ABCD3: variants seen among roughly 807,000 people sequenced by gnomAD.
ABCD3 encodes ATP-binding cassette sub-family D member 3.
A neutral mutation model predicts 105.5 loss-of-function variants in ABCD3; 41 were observed. The observed-to-expected ratio is 0.39, with a 90% CI of 0.30 to 0.50. ABCD3 has a LOEUF of 0.50. ABCD3 is among the 20% of genes least tolerant of loss of function. The pLI is 0.84. For missense variants in ABCD3, 622 were observed against 806.3 expected, an observed-to-expected ratio of 0.77 and a Z score of 2.77; for synonymous variants, 258 against 269.0, an observed-to-expected ratio of 0.96 and a Z score of 0.40.
At chr1:94,462,429 C>T (rs1647924940) in intron 2 of ABCD3, among the ~76,000 whole-genome samples, 1 of 152,108 alleles carries the variant, frequency 6.6e-6, no homozygotes, top group African/African-American at 2.4e-5. Flanking sequence ...GAATTCAGCC[C>T]TTCTGAGCCA....
In ABCD3 at chr1:94,418,441, C is replaced by CCGCCGCCGCCGT. The variant is rs1659109212; in HGVS notation, c.-35_-34insCGCCGCCGTCGC. The CCGCCGCCGCCGT allele has an allele frequency of 6.4e-7, 1 of 1,552,608 alleles. No homozygotes were observed. On this transcript the variant is annotated 5_prime_UTR_variant, in exon 1 of 23. Coordinates refer to ENST00000370214, the MANE Select transcript of ABCD3 (RefSeq NM_002858.4). ...AAGGTAGCCGCCGCCGCCGCCGCCG[C>CCGCCGCCGCCGT]CGCGTCCCCTCGCCGGCTCGCTGGT...
At chr1:94,496,850 C>G (rs528806647) in intron 16 of ABCD3, among the ~76,000 whole-genome samples, 14 of 151,072 alleles carry the variant, frequency 9.3e-5, no homozygotes, top group Non-Finnish European at 1.8e-4. Flanking sequence ...TCACTGCAAC[C>G]TCTGCCTCTC....
At position 94,464,879 on chromosome 1, in the gene ABCD3, T is replaced by C. The variant is rs1426061147; in HGVS notation, c.246+6T>C. ...CTAGAACATTTTGTAAAGAGGTAAG[T>C]CTTATGAAATTATAATCTTAAGTAT... On this transcript the variant is annotated splice_donor_region_variant and intron_variant, in intron 3 of 22. Transcript: ENST00000370214. The C allele has an allele frequency of 6.2e-7, 1 of 1,603,630 alleles. No individual in the cohort carries two copies. Among genetic ancestry groups the C allele is most frequent in the African/African-American group, 1.3e-5 (1 of 74,732 alleles).
chr1:94,478,240 T>C lies in ABCD3; in HGVS notation c.628-19T>C. On this transcript the variant is annotated intron_variant, in intron 7 of 22. Transcript: ENST00000370214. ...GTGCTTTAGTTTTAATTCTGTGTAT[T>C]CTAATATTTATTTTACAGCCATTTT... 7.0e-7 allele frequency: 1 copy of C among 1,438,800 alleles called. No individual in the cohort carries two copies. The highest frequency in any genetic ancestry group is 9.8e-7 in the Non-Finnish European group (1 of 1,023,478). The allele number at this position is 1,438,800 out of a possible 1,614,324, so 89.1% of individuals were successfully genotyped here. A position where few individuals can be genotyped will look rare whatever the true frequency, so the allele number is the denominator to read the frequency against.
At chr1:94,515,806 T>C (rs1387390255) in intron 22 of ABCD3, among the ~76,000 whole-genome samples, 2 of 151,806 alleles carry the variant, frequency 1.3e-5, no homozygotes, top group Non-Finnish European at 2.9e-5. Context: ...TAATTCTCTT[T>C]ATTTTCTTTC....
intron 21 of ABCD3, among the ~76,000 whole-genome samples, chr1:94,508,759 G>C (rs1419234349): frequency 6.6e-6 from 1 of 152,118 alleles, no homozygotes; most frequent in Non-Finnish European, 1.5e-5. Context: ...AAGCAATTGT[G>C]AATGGGAGTT....
the ABCD3 span, among the ~76,000 whole-genome samples, chr1:94,387,639 G>A: frequency 3.9e-5 from 6 of 152,166 alleles, no homozygotes; most frequent in Non-Finnish European, 5.9e-5. Flanking sequence ...AAATTCAAAT[G>A]TAGGATCAGG....
intron 1 of ABCD3, among the ~76,000 whole-genome samples, chr1:94,423,976 CAT>C (rs1433131798): frequency 1.3e-5 from 2 of 152,168 alleles, no homozygotes; most frequent in African/African-American, 4.8e-5. Flanking sequence ...AAGCATGAAT[CAT>C]GTGAGGGGCT....
intron 15 of ABCD3, among the ~76,000 whole-genome samples, chr1:94,490,677 A>C (rs1049647678): frequency 6.6e-6 from 1 of 152,082 alleles, no homozygotes; most frequent in African/African-American, 2.4e-5. Context: ...CAGTTGAAAG[A>C]CATTTAGGCA....
the ABCD3 span, among the ~76,000 whole-genome samples, chr1:94,391,270 A>T: frequency 6.6e-6 from 1 of 152,176 alleles, no homozygotes; most frequent in Admixed American, 6.5e-5. Flanking sequence ...AGGTTGGTGC[A>T]AAAGTGATTG....
chr1:94,463,211 C>T (rs1647962393), intron 2 of ABCD3, among the ~76,000 whole-genome samples: 1 of 152,186 alleles, frequency 6.6e-6, no homozygotes, highest in Non-Finnish European at 1.5e-5. Context: ...GTCTCTGTTC[C>T]AGCAGTTGCA....
At chr1:94,453,916 T>C (rs998686646) in intron 1 of ABCD3, among the ~76,000 whole-genome samples, 3 of 150,948 alleles carry the variant, frequency 2.0e-5, no homozygotes, top group African/African-American at 7.3e-5. Context: ...TGTAAACTTT[T>C]GGTTGGATGC....
the ABCD3 span, among the ~76,000 whole-genome samples, chr1:94,391,480 C>T: frequency 1.3e-5 from 2 of 152,294 alleles, no homozygotes; most frequent in South Asian, 4.1e-4. Context: ...CCACATCACT[C>T]TAACAGGCCT....
chr1:94,483,123 A>G (rs1338923879), intron 9 of ABCD3, 47 bp from the exon 10 acceptor site: 1 of 1,226,910 alleles, frequency 8.2e-7, no homozygotes, highest in Non-Finnish European at 1.2e-6. Context: ...TTATTTTCCA[A>G]GCATAGGTAA....
chr1:94,464,744 A>G (rs745413962), intron 2 of ABCD3, 31 bp from the exon 3 acceptor site: 1 of 1,552,236 alleles, frequency 6.4e-7, no homozygotes, highest in Non-Finnish European at 8.9e-7. Context: ...TGTTATAGCT[A>G]TCTTAAAAGG....
chr1:94,388,869 C>A, the ABCD3 span, among the ~76,000 whole-genome samples: 1 of 152,254 alleles, frequency 6.6e-6, no homozygotes, highest in East Asian at 1.9e-4. Flanking sequence ...ATTGATTTGG[C>A]AGCCACTATG....
chr1:94,437,892 G>T (rs1328469212), intron 1 of ABCD3, among the ~76,000 whole-genome samples: 1 of 152,150 alleles, frequency 6.6e-6, no homozygotes, highest in Non-Finnish European at 1.5e-5. Context: ...ACTTTGAGGG[G>T]TTCAGGATTT....
chr1:94,398,356 C>T, the ABCD3 span, among the ~76,000 whole-genome samples: 1 of 152,070 alleles, frequency 6.6e-6, no homozygotes, highest in Non-Finnish European at 1.5e-5. Context: ...TGTGTTCAAC[C>T]CTAATATACC....
intron 21 of ABCD3, among the ~76,000 whole-genome samples, chr1:94,513,018 C>G (rs748621433): frequency 6.6e-6 from 1 of 152,020 alleles, no homozygotes; most frequent in African/African-American, 2.4e-5. Context: ...CCTGCTAAAT[C>G]AGAATCTGCA....
Sources: gnomAD v4.1 joint callset for allele counts (sites outside exome capture counted in the v4.1 genomes callset) on GRCh38, gnomAD v4.1.1 for gene constraint, MANE v1.5 for transcripts, NCBI Gene and HGNC (gene_info 2026-07-23, HGNC 2026-07-21) for gene names.